Variants in SPATA6 observed in about 807,000 individuals in gnomAD.
SPATA6 encodes the protein spermatogenesis associated 6.
Under a neutral mutation model 65.3 loss-of-function variants are expected in SPATA6, and 56 were observed. The ratio of observed to expected loss-of-function variants is 0.86; its 90% CI spans 0.69 to 1.07. The LOEUF (loss-of-function observed/expected upper bound fraction) is 1.07. Ranked by LOEUF, SPATA6 falls within the 50% of genes least tolerant of loss-of-function variation. SPATA6 has a pLI of 0.00. For synonymous variants in SPATA6, 199 were observed against 213.2 expected (o/e 0.93, Z 0.58); for missense variants, 590 against 594.8 (o/e 0.99, Z 0.08).
At chr1:48,362,297 G>A (rs530858774) in intron 9 of SPATA6, among the ~76,000 whole-genome samples, 28 of 152,164 alleles carry the variant, frequency 1.8e-4, no homozygotes, top group African/African-American at 5.5e-4. Flanking sequence ...GAAAGTGGGA[G>A]AAGGTGTCAC....
At chr1:48,370,618 G>C (rs1366753062) in intron 9 of SPATA6, among the ~76,000 whole-genome samples, 1 of 152,022 alleles carries the variant, frequency 6.6e-6, no homozygotes, top group East Asian at 1.9e-4. Context: ...GATCTTGAGG[G>C]GAACCCCTCC....
chr1:48,375,275 G>A (rs761021600), intron 9 of SPATA6, among the ~76,000 whole-genome samples: 6 of 149,490 alleles, frequency 4.0e-5, no homozygotes, highest in Non-Finnish European at 5.9e-5. Context: ...AAATTTGTAT[G>A]CCAGGGAGAA....
At chr1:48,403,756 A>G in intron 6 of SPATA6, 46 bp downstream of exon 6, 1 of 1,471,316 alleles carries the variant, frequency 6.8e-7, no homozygotes, top group Non-Finnish European at 9.2e-7. Context: ...CACAAATATG[A>G]CCAAATAAAT....
chr1:48,404,103 T>C (rs940853710), intron 5 of SPATA6, among the ~76,000 whole-genome samples: 3 of 152,164 alleles, frequency 2.0e-5, no homozygotes, highest in African/African-American at 7.2e-5. Flanking sequence ...TATATTACTT[T>C]TATAAAATAA....
At chr1:48,394,467 C>T (rs1367399641) in intron 8 of SPATA6, among the ~76,000 whole-genome samples, 1 of 152,026 alleles carries the variant, frequency 6.6e-6, no homozygotes, top group Non-Finnish European at 1.5e-5. Flanking sequence ...ACATAATCTG[C>T]TATTGTGGAT....
intron 11 of SPATA6, among the ~76,000 whole-genome samples, chr1:48,343,665 G>A (rs1029250802): frequency 1.3e-5 from 2 of 152,056 alleles, no homozygotes; most frequent in Admixed American, 6.6e-5. Context: ...TCAATTTAAA[G>A]GTACCAATTT....
Position 48,307,684 on chromosome 1 carries a change from A to G in SPATA6, c.1195-1806T>C, listed in dbSNP as rs1187058173. Among the ~76,000 whole-genome samples, 4 of 151,778 alleles carry G rather than the reference A, an allele frequency of 2.6e-5. No individual in the cohort carries two copies. The South Asian group carries it at 8.3e-4, about 32-fold the overall frequency. On this transcript the variant is annotated intron_variant, in intron 11 of 12. Transcript: ENST00000371847. ...TTCTGTCTGTCCTATCCACTGGTGA[A>G]TATGGGATACTGAGGTCTCTATTAT...
intron 11 of SPATA6, among the ~76,000 whole-genome samples, chr1:48,349,494 C>T (rs1042695365): frequency 6.6e-6 from 1 of 151,916 alleles, no homozygotes; most frequent in African/African-American, 2.4e-5. Flanking sequence ...GATGACACAA[C>T]ATCATGCTTT....
the SPATA6 span, among the ~76,000 whole-genome samples, chr1:48,269,514 T>C: frequency 3.3e-5 from 5 of 152,268 alleles, no homozygotes; most frequent in South Asian, 1.0e-3. Flanking sequence ...GTTTACCAGA[T>C]CATTCATAAA....
the SPATA6 span, among the ~76,000 whole-genome samples, chr1:48,267,963 G>A: frequency 6.6e-6 from 1 of 151,848 alleles, no homozygotes; most frequent in African/African-American, 2.4e-5. Flanking sequence ...GTGTTAGCCA[G>A]GATGGTCTCG....
At chr1:48,345,950 T>C (rs531095658) in intron 11 of SPATA6, among the ~76,000 whole-genome samples, 1 of 152,218 alleles carries the variant, frequency 6.6e-6, no homozygotes, top group African/African-American at 2.4e-5. Context: ...CTGAAACTAT[T>C]CCACAAATTT....
In SPATA6 at chr1:48,406,518, C is replaced by G. The variant is rs116647796; in HGVS notation, c.406-2636G>C. 8.8e-3 allele frequency among the ~76,000 whole-genome samples: 1,342 copies of G among 152,260 alleles called. 19 individuals carry two copies. Among genetic ancestry groups the G allele is most frequent in the African/African-American group, 0.03 (1,251 of 41,554 alleles). Reference sequence around the variant, plus strand: ...AATGTCAGTTCATCTATGAAGTCTACAAGATGCAATTCATTCATTCAATTT... The same window carrying G: ...AATGTCAGTTCATCTATGAAGTCTAGAAGATGCAATTCATTCATTCAATTT... On this transcript the variant is annotated intron_variant, in intron 5 of 12. Transcript: ENST00000371847.
intron 8 of SPATA6, among the ~76,000 whole-genome samples, chr1:48,388,711 ATT>A (rs113509381): frequency 1.5e-4 from 22 of 142,540 alleles, no homozygotes; most frequent in Non-Finnish European, 1.7e-4. Context: ...AATACATTTG[ATT>A]TTTTTTTTTT....
intron 1 of SPATA6, among the ~76,000 whole-genome samples, chr1:48,468,914 G>A (rs888213094): frequency 1.3e-5 from 2 of 152,140 alleles, no homozygotes; most frequent in Admixed American, 6.5e-5. Context: ...TAATAATGGT[G>A]TTGGGGTTAT....
the SPATA6 span, among the ~76,000 whole-genome samples, chr1:48,279,423 T>C: frequency 1.3e-5 from 2 of 152,230 alleles, no homozygotes; most frequent in Admixed American, 6.5e-5. Context: ...CAGTGTGCTG[T>C]ATTCAGCAAA....
At chr1:48,304,270 A>G (rs529759780) in intron 12 of SPATA6, among the ~76,000 whole-genome samples, 1 of 152,336 alleles carries the variant, frequency 6.6e-6, no homozygotes, top group East Asian at 1.9e-4. Flanking sequence ...AGCAGCAAAG[A>G]TTATAAAGTG....
intron 3 of SPATA6, among the ~76,000 whole-genome samples, chr1:48,421,596 T>C (rs2148020351): frequency 6.6e-6 from 1 of 152,170 alleles, no homozygotes; most frequent in African/African-American, 2.4e-5. Context: ...AATATGAAAG[T>C]ACAGTAGAAT....
At chr1:48,336,194 A>G (rs1230470157) in intron 11 of SPATA6, among the ~76,000 whole-genome samples, 1 of 152,112 alleles carries the variant, frequency 6.6e-6, no homozygotes, top group Non-Finnish European at 1.5e-5. Flanking sequence ...AGTGTAAATT[A>G]GTTCAACCAT....
intron 11 of SPATA6, among the ~76,000 whole-genome samples, chr1:48,330,534 C>A (rs1039530019): frequency 2.0e-5 from 3 of 152,160 alleles, no homozygotes; most frequent in African/African-American, 7.2e-5. Flanking sequence ...CTGGAGGGTG[C>A]AGCCTCCTGT....
Sources: gnomAD v4.1 joint callset for allele counts (sites outside exome capture counted in the v4.1 genomes callset) on GRCh38, gnomAD v4.1.1 for gene constraint, MANE v1.5 for transcripts, NCBI Gene and HGNC (gene_info 2026-07-23, HGNC 2026-07-21) for gene names.